PLS1: variants seen among roughly 807,000 people sequenced by gnomAD.
The protein encoded by PLS1 is plastin 1.
PLS1 carries 32 observed loss-of-function variants against 73.7 expected under a neutral mutation model. The ratio of observed to expected loss-of-function variants is 0.43; its 90% CI spans 0.33 to 0.58. PLS1 has a LOEUF of 0.58. PLS1 is among the 20% of genes least tolerant of loss of function. The pLI is 0.04. For synonymous variants in PLS1, 217 were observed against 261.3 expected (o/e 0.83, Z 1.63); for missense variants, 633 against 740.5 (o/e 0.85, Z 1.68).
chr3:142,630,313 CAG>C (rs1429138613), intron 1 of PLS1, among the ~76,000 whole-genome samples: 1 of 150,014 alleles, frequency 6.7e-6, no homozygotes, highest in Non-Finnish European at 1.5e-5. Context: ...ACCAGCTGCT[CAG>C]GGGGCTGAGG....
chr3:142,599,351 A>T (rs190156841), intron 1 of PLS1, among the ~76,000 whole-genome samples: 3,239 of 119,244 alleles, frequency 0.027, 152 homozygotes, highest in African/African-American at 0.1. Flanking sequence ...TTTTTTTGAG[A>T]TGGAGTCTCG....
At position 142,678,095 on chromosome 3, in the gene PLS1, C is replaced by A. The variant is rs372425258; in HGVS notation, c.561C>A (p.Leu187=). Residue 187 remains leucine (L), a synonymous_variant, in exon 6 of 16, where the codon CTC becomes CTA. Coordinates refer to ENST00000457734, the MANE Select transcript of PLS1 (RefSeq NM_001145319.2). ...AAAGAGCCATCAATAAGAAAAAGCT[C>A]ACGCCATTCACTATTTCTGTAAGTA... ...IDERAINKKK[L]TPFTISENLN... 5 of 1,527,774 alleles carry A rather than the reference C, an allele frequency of 3.3e-6. No homozygotes were observed. Among genetic ancestry groups the A allele is most frequent in the South Asian group, 1.2e-5 (1 of 82,502 alleles). The allele number at this position is 1,527,774 out of a possible 1,614,324, so 94.6% of individuals were successfully genotyped here. A position where few individuals can be genotyped will look rare whatever the true frequency, so the allele number is the denominator to read the frequency against.
At chr3:142,599,320 A>ATTT (rs2035870825) in intron 1 of PLS1, among the ~76,000 whole-genome samples, 1 of 137,250 alleles carries the variant, frequency 7.3e-6, no homozygotes. Flanking sequence ...GGACTCAGAT[A>ATTT]TTCTTTTTTT....
intron 10 of PLS1, among the ~76,000 whole-genome samples, chr3:142,690,708 A>G (rs995839871): frequency 6.6e-6 from 1 of 152,242 alleles, no homozygotes; most frequent in African/African-American, 2.4e-5. Flanking sequence ...TTTTGTATCA[A>G]TTAGCTATGT....
intron 13 of PLS1, 41 bp downstream of exon 13, chr3:142,704,042 C>G: frequency 1.3e-6 from 2 of 1,583,934 alleles, no homozygotes; most frequent in Non-Finnish European, 1.7e-6. Context: ...CCTGTTTCCT[C>G]CAACAAGTAA....
At chr3:142,603,201 CTG>C (rs2035957557) in intron 1 of PLS1, among the ~76,000 whole-genome samples, 1 of 152,186 alleles carries the variant, frequency 6.6e-6, no homozygotes, top group Non-Finnish European at 1.5e-5. Flanking sequence ...CTTTTTAGCA[CTG>C]TGTCTGAAAG....
intron 1 of PLS1, among the ~76,000 whole-genome samples, chr3:142,630,964 C>CACACACACACACACACAT (rs2036546032): frequency 6.6e-6 from 1 of 151,828 alleles, no homozygotes; most frequent in African/African-American, 2.4e-5. Flanking sequence ...CACACACACA[C>CACACACACACACACACAT]ACACACACAT....
rs10716821 is a variant in PLS1 at position 142,612,729 on chromosome 3, G to GA, written c.-37+16230dup. 1.6e-3 allele frequency among the ~76,000 whole-genome samples: 242 copies of GA among 148,546 alleles called. 2 individuals carry two copies. Among genetic ancestry groups the GA allele is most frequent in the Middle Eastern group, 0.011 (3 of 280 alleles). The stretch of plus-strand genomic sequence containing the variant: ...ACAGCAAGACCCTGTCTCAAAAAAA[G>GA]AAAAAAAAAATCCCTTATTTAACTT... On this transcript the variant is annotated intron_variant, in intron 1 of 15. Coordinates refer to ENST00000457734, the MANE Select transcript of PLS1 (RefSeq NM_001145319.2).
chr3:142,616,955 A>G (rs2036226594), intron 1 of PLS1, among the ~76,000 whole-genome samples: 1 of 152,136 alleles, frequency 6.6e-6, no homozygotes, highest in Non-Finnish European at 1.5e-5. Flanking sequence ...GATTATTCAA[A>G]TTGCTTTGTA....
chr3:142,608,637 AG>A (rs2036067294), intron 1 of PLS1, among the ~76,000 whole-genome samples: 1 of 152,148 alleles, frequency 6.6e-6, no homozygotes, highest in Non-Finnish European at 1.5e-5. Flanking sequence ...CAGAGTTTCC[AG>A]TGGTTTTAAA....
At chr3:142,617,209 G>A (rs1326464731) in intron 1 of PLS1, among the ~76,000 whole-genome samples, 2 of 149,976 alleles carry the variant, frequency 1.3e-5, no homozygotes, top group African/African-American at 4.9e-5. Context: ...ATGCCCCCTT[G>A]GGTACATACA....
In PLS1 at chr3:142,697,986, C is replaced by T; in HGVS notation, c.1290C>T (p.Leu430=). The T allele has an allele frequency of 1.2e-6, 2 of 1,613,294 alleles. No individual in the cohort carries two copies. Among genetic ancestry groups the T allele is most frequent in the Non-Finnish European group, 1.7e-6 (2 of 1,179,304 alleles). The part of the protein sequence containing the change: ...DLADALVIFQ[L]YEMIRVPVNW... Reference sequence around the variant, plus strand: ...CAGATGCTTTAGTGATCTTTCAGCTCTATGAGATGATCCGAGTGCCAGTCA... The same window carrying T: ...CAGATGCTTTAGTGATCTTTCAGCTTTATGAGATGATCCGAGTGCCAGTCA... Residue 430 remains leucine, a synonymous_variant, in exon 12 of 16, where the codon CTC becomes CTT. Coordinates refer to ENST00000457734, the MANE Select transcript of PLS1 (RefSeq NM_001145319.2).
intron 1 of PLS1, among the ~76,000 whole-genome samples, chr3:142,618,767 C>G (rs1339517027): frequency 1.3e-5 from 2 of 152,164 alleles, no homozygotes; most frequent in Non-Finnish European, 2.9e-5. Flanking sequence ...TCTCTCTGAG[C>G]CAGCAGAGAA....
At chr3:142,638,108 A>G (rs149130610) in intron 1 of PLS1, among the ~76,000 whole-genome samples, 1 of 152,172 alleles carries the variant, frequency 6.6e-6, no homozygotes, top group Admixed American at 6.5e-5. Context: ...TTCCTAGAGA[A>G]TAAAACTTTT....
chr3:142,679,607 G>T (rs1235684868), intron 6 of PLS1, among the ~76,000 whole-genome samples: 1 of 151,894 alleles, frequency 6.6e-6, no homozygotes, highest in African/African-American at 2.4e-5. Flanking sequence ...TATTTCTGAG[G>T]GCTCTGTTCT....
intron 6 of PLS1, among the ~76,000 whole-genome samples, chr3:142,680,468 T>C (rs2037825531): frequency 2.0e-5 from 3 of 152,224 alleles, no homozygotes; most frequent in Admixed American, 2.0e-4. Flanking sequence ...AGTATTCAGT[T>C]TATATTATTG....
chr3:142,675,919 GC>G (rs1320373460), intron 4 of PLS1, among the ~76,000 whole-genome samples: 1 of 152,000 alleles, frequency 6.6e-6, no homozygotes, highest in African/African-American at 2.4e-5. Flanking sequence ...CAAGTGATCA[GC>G]CCGCCTTGGA....
chr3:142,646,386 G>A (rs555562344), intron 1 of PLS1, among the ~76,000 whole-genome samples: 2 of 152,346 alleles, frequency 1.3e-5, no homozygotes, highest in South Asian at 4.1e-4. Flanking sequence ...GATGCAATGA[G>A]TTCAGGTCAG....
intron 1 of PLS1, among the ~76,000 whole-genome samples, chr3:142,609,874 A>G (rs1425841185): frequency 2.6e-5 from 4 of 152,102 alleles, no homozygotes; most frequent in Admixed American, 2.6e-4. Context: ...GTATGTATGT[A>G]TGTATTTATT....
Sources: gnomAD v4.1 joint callset for allele counts (sites outside exome capture counted in the v4.1 genomes callset) on GRCh38, gnomAD v4.1.1 for gene constraint, MANE v1.5 for transcripts, NCBI Gene and HGNC (gene_info 2026-07-23, HGNC 2026-07-21) for gene names.